ABCC4: variants seen among roughly 807,000 people sequenced by gnomAD.
ABCC4 encodes ATP binding cassette subfamily C member 4 (PEL blood group).
A neutral mutation model predicts 168.5 loss-of-function variants in ABCC4; 102 were observed. The observed-to-expected ratio is 0.61, with a 90% CI of 0.52 to 0.71. The LOEUF is 0.71. ABCC4 is among the 30% of genes least tolerant of loss of function. The pLI, the probability that ABCC4 is intolerant of heterozygous loss-of-function variation, is 0.00. For synonymous variants in ABCC4, 617 were observed against 590.7 expected (o/e 1.04, Z -0.65); for missense variants, 1,402 against 1,605.8 (o/e 0.87, Z 2.17).
intron 19 of ABCC4, among the ~76,000 whole-genome samples, chr13:95,138,700 C>T (rs545563721): frequency 1.3e-5 from 2 of 152,162 alleles, no homozygotes; most frequent in South Asian, 4.1e-4. Flanking sequence ...CCTATTTTTA[C>T]TCTTAATAGG....
At chr13:95,251,927 T>C (rs1225399771) in intron 1 of ABCC4, among the ~76,000 whole-genome samples, 2 of 152,226 alleles carry the variant, frequency 1.3e-5, no homozygotes, top group Non-Finnish European at 2.9e-5. Context: ...AATTGCATAC[T>C]ATTCTGAGTA....
chr13:95,044,304 T>A lies in ABCC4; in HGVS notation c.3591A>T (p.Ile1197=), dbSNP rs1467635578. ...TTGCCGTCGCTTCATCAATAATCAATATCTGATTTTTCCTGAGAATTGCCC... is the reference window on the plus strand; with the variant it reads ...TTGCCGTCGCTTCATCAATAATCAAAATCTGATTTTTCCTGAGAATTGCCC... ...LARAILRKNQ[I]LIIDEATANV... Residue 1197 remains isoleucine (I), a synonymous_variant, in exon 28 of 31, where the codon ATA becomes ATT. Coordinates refer to ENST00000645237, the MANE Select transcript of ABCC4 (RefSeq NM_005845.5). 6.2e-7 allele frequency: 1 copy of A among 1,613,460 alleles called. No individual in the cohort carries two copies. Among genetic ancestry groups the A allele is most frequent in the Non-Finnish European group, 8.5e-7 (1 of 1,179,812 alleles).
rs186244862 is a variant in ABCC4 at position 95,180,291 on chromosome 13, C to T, written c.1546-2200G>A. Among the ~76,000 whole-genome samples the T allele has an allele frequency of 4.3e-3, 654 of 152,296 alleles. 5 individuals are homozygous for T. The highest frequency in any genetic ancestry group is 6.5e-3 in the Non-Finnish European group (445 of 68,034). On this transcript the variant is annotated intron_variant, in intron 11 of 30. Coordinates refer to ENST00000645237, the MANE Select transcript of ABCC4 (RefSeq NM_005845.5). Reference sequence around the variant, plus strand: ...CAACGCGGCCAGGCACGGTGGCTCACGCCTGTAATCCCAGCAATTTGGGAG... The same window carrying T: ...CAACGCGGCCAGGCACGGTGGCTCATGCCTGTAATCCCAGCAATTTGGGAG...
At chr13:95,243,406 G>A (rs1429948545) in intron 3 of ABCC4, among the ~76,000 whole-genome samples, 1 of 152,228 alleles carries the variant, frequency 6.6e-6, no homozygotes, top group Non-Finnish European at 1.5e-5. Flanking sequence ...CAGGGAACTT[G>A]ACATCCGCCC....
chr13:95,134,644 C>G (rs2036081664), intron 19 of ABCC4, among the ~76,000 whole-genome samples: 1 of 152,044 alleles, frequency 6.6e-6, no homozygotes, highest in Admixed American at 6.6e-5. Flanking sequence ...CACTTGAACC[C>G]AAGAGGCGGA....
rs1276417867 is a variant in ABCC4 at position 95,188,499 on chromosome 13, C to G, written c.1307G>C (p.Arg436Thr). The G allele has an allele frequency of 1.9e-6, 3 of 1,614,140 alleles. No individual in the cohort carries two copies. The highest frequency in any genetic ancestry group is 2.5e-6 in the Non-Finnish European group (3 of 1,179,996). The change falls in exon 10 of 31, where the codon AGA becomes ACA. Residue 436 changes from arginine to threonine, a missense_variant. This residue lies in a region of ABCC4 where 1,007 missense variants were observed against 1,127.3 expected (regional missense o/e 0.89). Transcript: ENST00000645237. ...GACCACAGCTAACAATTCGCCAGGT[C>G]TGACAGTAAAGGAAAGGCCTTGTAG... ...PTLQGLSFTVRPGELLAVVGP... is the reference protein window; with the variant it reads ...PTLQGLSFTVTPGELLAVVGP...
chr13:95,061,665 G>C (rs1313474095), intron 26 of ABCC4, among the ~76,000 whole-genome samples: 2 of 89,804 alleles, frequency 2.2e-5, no homozygotes, highest in East Asian at 7.3e-4. Flanking sequence ...TGACTATAGA[G>C]TGTTAAAAAA....
At chr13:95,194,964 T>C (rs1458712432) in intron 8 of ABCC4, 27 bp from the exon 9 acceptor site, 1 of 1,587,342 alleles carries the variant, frequency 6.3e-7, no homozygotes, top group South Asian at 1.1e-5. Flanking sequence ...AAACACAGAT[T>C]GTTTAAATTA....
At chr13:95,260,720 G>A (rs1483400150) in intron 1 of ABCC4, among the ~76,000 whole-genome samples, 1 of 152,132 alleles carries the variant, frequency 6.6e-6, no homozygotes, top group African/African-American at 2.4e-5. Context: ...CAAAGGTCTT[G>A]TGTTCTAAAC....
intron 1 of ABCC4, among the ~76,000 whole-genome samples, chr13:95,262,384 CTAATT>C (rs1468696955): frequency 6.6e-6 from 1 of 152,184 alleles, no homozygotes; most frequent in African/African-American, 2.4e-5. Context: ...TGAAGTCTAT[CTAATT>C]TGTTTCCTAA....
At chr13:95,073,354 G>A in intron 23 of ABCC4, 50 bp from the exon 24 acceptor site, 2 of 1,426,614 alleles carry the variant, frequency 1.4e-6, no homozygotes, top group Non-Finnish European at 1.9e-6. Flanking sequence ...TCAAACCTAA[G>A]CCTGGCTCCT....
chr13:95,131,732 A>G (rs1395696129), intron 19 of ABCC4, among the ~76,000 whole-genome samples: 1 of 152,198 alleles, frequency 6.6e-6, no homozygotes, highest in African/African-American at 2.4e-5. Context: ...CATTGATTTA[A>G]GAAAATAAAG....
At chr13:95,243,817 T>C (rs1368608895) in intron 3 of ABCC4, among the ~76,000 whole-genome samples, 1 of 150,594 alleles carries the variant, frequency 6.6e-6, no homozygotes, top group Non-Finnish European at 1.5e-5. Context: ...CCCAGGGAGA[T>C]GGAGGTTGCA....
At chr13:95,207,115 G>C (rs1216160649) in intron 7 of ABCC4, among the ~76,000 whole-genome samples, 1 of 152,128 alleles carries the variant, frequency 6.6e-6, no homozygotes, top group Non-Finnish European at 1.5e-5. Context: ...TGCAACCTCC[G>C]CCTCCTGGTT....
Position 95,211,964 on chromosome 13 carries a change from G to T in ABCC4, c.532-1183C>A, listed in dbSNP as rs566486732. Among the ~76,000 whole-genome samples, 439 of 152,168 alleles carry T rather than the reference G, an allele frequency of 2.9e-3. 2 individuals are homozygous for T. The highest frequency in any genetic ancestry group is 4.4e-3 in the Non-Finnish European group (296 of 67,994). ...TGGGGCTGAAGGCAGATCACTTGAGGTCAGGAGTTCGAGATCAGCCTGGCC... is the reference window on the plus strand; with the variant it reads ...TGGGGCTGAAGGCAGATCACTTGAGTTCAGGAGTTCGAGATCAGCCTGGCC... On this transcript the variant is annotated intron_variant, in intron 4 of 30. Coordinates refer to ENST00000645237, the MANE Select transcript of ABCC4 (RefSeq NM_005845.5).
chr13:95,095,067 G>T (rs960935867), intron 20 of ABCC4, among the ~76,000 whole-genome samples: 1 of 152,128 alleles, frequency 6.6e-6, no homozygotes, highest in Non-Finnish European at 1.5e-5. Context: ...TAGTACAGTC[G>T]CTATGGAAAA....
intron 4 of ABCC4, among the ~76,000 whole-genome samples, chr13:95,216,620 A>AAC (rs2039118839): frequency 6.6e-6 from 1 of 151,346 alleles, no homozygotes; most frequent in Non-Finnish European, 1.5e-5. Flanking sequence ...AAAAAAAAAA[A>AAC]AAAAAAAAAA....
At chr13:95,231,269 A>G (rs1248753073) in intron 4 of ABCC4, among the ~76,000 whole-genome samples, 2 of 152,238 alleles carry the variant, frequency 1.3e-5, no homozygotes, top group African/African-American at 2.4e-5. Flanking sequence ...ACTTAAAAAG[A>G]GTTAAAATGG....
intron 11 of ABCC4, among the ~76,000 whole-genome samples, 200 bp from the exon 12 acceptor site, chr13:95,178,291 G>A (rs576441679): frequency 1.3e-5 from 2 of 152,326 alleles, no homozygotes; most frequent in East Asian, 1.9e-4. Flanking sequence ...GTCAGGGCAC[G>A]TTATCTATTT....
Sources: gnomAD v4.1 joint callset for allele counts (sites outside exome capture counted in the v4.1 genomes callset) on GRCh38, gnomAD v4.1.1 for gene constraint, gnomAD v4.1.1 regional missense constraint, MANE v1.5 for transcripts, NCBI Gene and HGNC (gene_info 2026-07-23, HGNC 2026-07-21) for gene names.